Variants in KMT5B observed in about 807,000 individuals in gnomAD.
KMT5B encodes lysine methyltransferase 5B, also known as histone-lysine N-methyltransferase KMT5B.
In KMT5B, 10 loss-of-function variants were observed where a neutral mutation model predicts 83.2. The ratio of observed to expected loss-of-function variants is 0.12; its 90% CI spans 0.07 to 0.20. The LOEUF is 0.20. KMT5B is among the 10% of genes least tolerant of loss of function. The pLI is 1.00. For missense variants in KMT5B, 753 were observed against 1,067.2 expected, an observed-to-expected ratio of 0.71 and a Z score of 4.10; for synonymous variants, 349 against 388.8, an observed-to-expected ratio of 0.90 and a Z score of 1.20.
intron 2 of KMT5B, 155 bp downstream of exon 2, chr11:68,189,762 T>C: frequency 1.6e-6 from 1 of 606,510 alleles, no homozygotes; most frequent in Admixed American, 3.2e-5. Flanking sequence ...AGAATAAAAA[T>C]TGACACAACT....
chr11:68,166,111 T>G, intron 10 of KMT5B: 1 of 1,450,404 alleles, frequency 6.9e-7, no homozygotes, highest in African/African-American at 1.4e-5. Flanking sequence ...AGTCAAAACT[T>G]TCTAACTTCT....
At position 68,157,084 on chromosome 11, in the gene KMT5B, CG is replaced by C. The variant is rs1368369792; in HGVS notation, c.*603del. ...TAATGAACTGAAAAGTGAGCTGTCA[CG>C]TATGTCATTTTTTTTTTTTTTTTAA... is the stretch of plus-strand genomic sequence containing the variant. On this transcript the variant is annotated 3_prime_UTR_variant, in exon 11 of 11. Transcript: ENST00000304363. 6.6e-6 allele frequency: 1 copy of C among 150,702 alleles called. No individual in the cohort carries two copies. 9.3% of individuals were successfully genotyped at this position (150,702 alleles called of 1,614,324 possible).
chr11:68,158,642 C>T lies in KMT5B; in HGVS notation c.1704G>A (p.Val568=). 1 of 1,614,190 alleles carries T rather than the reference C, an allele frequency of 6.2e-7. No individual in the cohort carries two copies. The highest frequency in any genetic ancestry group is 2.2e-5 in the East Asian group (1 of 44,886). Residue 568 remains valine, a synonymous_variant, in exon 11 of 11, where the codon GTG becomes GTA. Transcript: ENST00000304363. ...CACCACTGTCGGGGCAAGGTTCCGTCACACTGCTTTTATAGCCATTCAACG... is the reference window on the plus strand; with the variant it reads ...CACCACTGTCGGGGCAAGGTTCCGTTACACTGCTTTTATAGCCATTCAACG... The part of the protein sequence containing the change: ...PNTLNGYKSS[V]TEPCPDSGEQ...
chr11:68,213,154 C>T lies in KMT5B; in HGVS notation c.-93G>A, dbSNP rs1861190079. 1 of 141,202 alleles carries T rather than the reference C, an allele frequency of 7.1e-6. No homozygotes were observed. The highest frequency in any genetic ancestry group is 2.1e-4 in the South Asian group (1 of 4,664). The allele number at this position is 141,202 out of a possible 1,614,324, so 8.7% of individuals were successfully genotyped here. A position where few individuals can be genotyped will look rare whatever the true frequency, so the allele number is the denominator to read the frequency against. On this transcript the variant is annotated 5_prime_UTR_variant, in exon 1 of 11. Transcript: ENST00000304363. ...CCGACTCACCGCCTGCGCCGCCCCG[C>T]TCCTCCTCGGGGCGCGTCCCAGGCC...
chr11:68,171,763 C>T lies in KMT5B; in HGVS notation c.654-54G>A, dbSNP rs1590956485. The T allele has an allele frequency of 7.4e-7, 1 of 1,345,080 alleles. No individual in the cohort carries two copies. The highest frequency in any genetic ancestry group is 2.0e-5 in the Admixed American group (1 of 50,456). The allele number at this position is 1,345,080 out of a possible 1,614,324, so 83.3% of individuals were successfully genotyped here. A position where few individuals can be genotyped will look rare whatever the true frequency, so the allele number is the denominator to read the frequency against. ...TTACTAGTAATTAAATATAGTAAGG[C>T]TTCTTTTAATAAAATAATCCTGACA... On this transcript the variant is annotated intron_variant, in intron 6 of 10. Transcript: ENST00000304363. The surrounding 1 kb of genome is among the most constrained non-coding windows in gnomAD (Gnocchi z 5.1).
chr11:68,188,956 C>G, intron 2 of KMT5B, among the ~76,000 whole-genome samples: 1 of 152,160 alleles, frequency 6.6e-6, no homozygotes, highest in Non-Finnish European at 1.5e-5. Flanking sequence ...TTGTCCCAAG[C>G]AGGAATTCTG....
chr11:68,178,028 T>G (rs571566348), intron 4 of KMT5B, among the ~76,000 whole-genome samples: 10 of 152,268 alleles, frequency 6.6e-5, no homozygotes, highest in South Asian at 4.1e-4. Context: ...ATATGAAATA[T>G]GAAATATGAA....
chr11:68,208,297 G>C (rs1227794780), intron 1 of KMT5B, among the ~76,000 whole-genome samples: 2 of 136,930 alleles, frequency 1.5e-5, no homozygotes, highest in African/African-American at 2.5e-5. Flanking sequence ...AAATACAAAA[G>C]TTAGCTAGGC....
chr11:68,166,913 C>T, intron 10 of KMT5B, 69 bp downstream of exon 10: 21 of 1,588,418 alleles, frequency 1.3e-5, no homozygotes, highest in Non-Finnish European at 1.8e-5. Flanking sequence ...ACTACTGAAG[C>T]ACACTTTATA....
At chr11:68,187,312 C>A (rs1207037153) in intron 2 of KMT5B, among the ~76,000 whole-genome samples, 1 of 152,114 alleles carries the variant, frequency 6.6e-6, no homozygotes, top group African/African-American at 2.4e-5. Context: ...TTTTTTCACG[C>A]AGGCATTTAC....
chr11:68,166,511 G>C, intron 10 of KMT5B: 1 of 1,002,756 alleles, frequency 1.0e-6, no homozygotes, highest in Non-Finnish European at 1.2e-6. Context: ...AGTTCGTTTT[G>C]AAAAAGGTCA....
At chr11:68,165,669 G>A (rs1176380388) in intron 10 of KMT5B, 38 of 1,238,738 alleles carry the variant, frequency 3.1e-5, no homozygotes, top group Middle Eastern at 5.9e-4. Context: ...TATAAAATGG[G>A]CTTCACAAGT....
rs529968054 is a variant in KMT5B at position 68,196,039 on chromosome 11, C to A, written c.-76-5887G>T. ...AGGTGTGGTGGTATGCGCCTGTAAT[C>A]CCAGCTACTCAGGAGGCTGAAGCAG... On this transcript the variant is annotated intron_variant, in intron 1 of 10. Transcript: ENST00000304363. Among the ~76,000 whole-genome samples the A allele has an allele frequency of 4.6e-5, 7 of 152,264 alleles. No individual in the cohort carries two copies. In the South Asian group the frequency reaches 1.0e-3, roughly 23 times the overall value.
chr11:68,160,878 C>G (rs1312075625), intron 10 of KMT5B, among the ~76,000 whole-genome samples: 2 of 152,156 alleles, frequency 1.3e-5, no homozygotes, highest in Non-Finnish European at 2.9e-5. Context: ...ACCTGGGAGG[C>G]AGAGTTTGCA....
intron 1 of KMT5B, among the ~76,000 whole-genome samples, chr11:68,195,486 G>GC (rs1359406629): frequency 1.3e-5 from 2 of 152,280 alleles, no homozygotes; most frequent in East Asian, 3.9e-4. Context: ...TTACATAGTT[G>GC]CAAGTCACAC....
intron 1 of KMT5B, among the ~76,000 whole-genome samples, chr11:68,208,706 A>C (rs1038805675): frequency 6.6e-6 from 1 of 152,012 alleles, no homozygotes; most frequent in African/African-American, 2.4e-5. Flanking sequence ...TAAAAACAAG[A>C]CCAGACATGG....
chr11:68,175,877 T>C (rs1386917626), intron 4 of KMT5B, among the ~76,000 whole-genome samples: 1 of 151,786 alleles, frequency 6.6e-6, no homozygotes, highest in Non-Finnish European at 1.5e-5. Flanking sequence ...GTGAAATTGC[T>C]ATACTGGTAA....
At chr11:68,161,629 C>A (rs1377827527) in intron 10 of KMT5B, among the ~76,000 whole-genome samples, 1 of 152,048 alleles carries the variant, frequency 6.6e-6, no homozygotes, top group East Asian at 1.9e-4. Context: ...CACTCCTCAG[C>A]CCTTCCCTTT....
rs776088670 is a variant in KMT5B at position 68,158,623 on chromosome 11, T to G, written c.1723A>C (p.Ser575Arg). ...KSSVTEPCPD[S>R]GEQLQPAPVL... ...GGAGCTGGCTGCAGCTGTTCACCAC[T>G]GTCGGGGCAAGGTTCCGTCACACTG... is the stretch of plus-strand genomic sequence containing the variant. Residue 575 changes from serine (S) to arginine (R), a missense_variant, in exon 11 of 11, where the codon AGT (serine) becomes CGT (arginine). Coordinates refer to ENST00000304363, the MANE Select transcript of KMT5B (RefSeq NM_017635.5). 1 of 1,612,306 alleles carries G rather than the reference T, an allele frequency of 6.2e-7. No individual in the cohort carries two copies.
Sources: allele counts gnomAD v4.1 joint callset (sites outside exome capture counted in the v4.1 genomes callset), GRCh38; gene constraint gnomAD v4.1.1; non-coding constraint Gnocchi (gnomAD v3.1); transcripts MANE v1.5; gene names NCBI Gene and HGNC (gene_info 2026-07-23, HGNC 2026-07-21).